DOCK11: variants seen among roughly 807,000 people sequenced by gnomAD.
DOCK11 encodes the protein dedicator of cytokinesis 11, also known as dedicator of cytokinesis protein 11.
In DOCK11, 70 loss-of-function variants were observed where a neutral mutation model predicts 169.1. That is an observed-to-expected ratio of 0.41 (90% CI 0.34 to 0.51). The LOEUF (loss-of-function observed/expected upper bound fraction) is 0.51, where lower values mean the gene tolerates loss of function less well. DOCK11 is among the 20% of genes least tolerant of loss of function. The pLI, the probability that DOCK11 is intolerant of heterozygous loss-of-function variation, is 0.10. For synonymous variants in DOCK11, 529 were observed against 541.3 expected (o/e 0.98, Z 0.32); for missense variants, 1,166 against 1,538.8 (o/e 0.76, Z 4.05).
chrX:118,542,658 G>C, intron 1 of DOCK11, 67 bp from the exon 2 acceptor site: 1 of 784,475 alleles, frequency 1.3e-6, no homozygotes, highest in Non-Finnish European at 1.9e-6. Flanking sequence ...TGTATCTTTA[G>C]TACATAGAAA....
chrX:118,640,191 G>A (rs927463486), intron 38 of DOCK11, among the ~76,000 whole-genome samples: 6 of 111,921 alleles, frequency 5.4e-5, no homozygotes, highest in African/African-American at 6.5e-5. Flanking sequence ...GCCCAACTGC[G>A]GAAGCTAGAG....
chrX:118,548,559 A>G (rs2012368685), intron 6 of DOCK11, among the ~76,000 whole-genome samples: 1 of 111,666 alleles, frequency 9.0e-6, no homozygotes, highest in South Asian at 3.8e-4. Context: ...AGTCAGGGAA[A>G]GAGATGTGAG....
intron 46 of DOCK11, among the ~76,000 whole-genome samples, chrX:118,672,469 T>G (rs773298641): frequency 1.2e-4 from 14 of 112,944 alleles, no homozygotes; most frequent in East Asian, 8.3e-4. Flanking sequence ...GTCTTGCTCT[T>G]TGGCCCAGGC....
At chrX:118,538,600 C>T in intron 1 of DOCK11, 1 of 540,529 alleles carries the variant, frequency 1.9e-6, no homozygotes, top group Non-Finnish European at 2.3e-6. Context: ...AAGACTGAAA[C>T]ATATGCTCAC....
intron 14 of DOCK11, 150 bp from the exon 15 acceptor site, chrX:118,584,585 G>A (rs940643481): frequency 3.9e-5 from 17 of 431,429 alleles, no homozygotes; most frequent in Non-Finnish European, 6.0e-5. Flanking sequence ...TTGCAGGATT[G>A]TAGAGTGATG....
chrX:118,647,814 T>A (rs181069610), intron 40 of DOCK11, among the ~76,000 whole-genome samples: 23,383 of 49,706 alleles, frequency 0.47, 5,231 homozygotes, highest in African/African-American at 0.73. Context: ...ATAATATATA[T>A]TATATTATTA....
chrX:118,682,725 A>G (rs767636314), intron 51 of DOCK11, among the ~76,000 whole-genome samples: 2 of 112,327 alleles, frequency 1.8e-5, no homozygotes, highest in South Asian at 7.4e-4. Flanking sequence ...TAAGCTCAAA[A>G]TAAATTCTTT....
At chrX:118,575,624 C>A (rs1323719632) in intron 12 of DOCK11, among the ~76,000 whole-genome samples, 1 of 111,906 alleles carries the variant, frequency 8.9e-6, no homozygotes, top group Non-Finnish European at 1.9e-5. Context: ...TGTCCCTTAT[C>A]CCCTGATAGC....
intron 1 of DOCK11, among the ~76,000 whole-genome samples, chrX:118,538,378 A>G (rs1338250701): frequency 3.6e-5 from 4 of 112,635 alleles, no homozygotes; most frequent in Admixed American, 9.4e-5. Context: ...CAGAATGCAT[A>G]TGAAAGTGTT....
intron 1 of DOCK11, among the ~76,000 whole-genome samples, chrX:118,526,673 G>A (rs1238833029): frequency 1.8e-5 from 2 of 112,226 alleles, no homozygotes; most frequent in Non-Finnish European, 3.8e-5. Flanking sequence ...AGAGGAAAGA[G>A]GAAAAGGCTC....
rs183257204 is a variant in DOCK11 at position 118,680,802 on chromosome X, T to A, written c.5671+110T>A. Reference sequence around the variant, plus strand: ...CAACTGAAATTTTAATTATTATTTGTTCTGCTGTTCAGTTACAAGTTTGCA... The same window carrying A: ...CAACTGAAATTTTAATTATTATTTGATCTGCTGTTCAGTTACAAGTTTGCA... On this transcript the variant is annotated intron_variant, in intron 49 of 52. Transcript: ENST00000276202. The A allele has an allele frequency of 5.7e-6, 4 of 697,483 alleles. No homozygotes were observed. The African/African-American group carries it at 8.8e-5, about 15-fold the overall frequency. The allele number at this position is 697,483 out of a possible 1,213,427, so 57.5% of individuals were successfully genotyped here.
At chrX:118,606,664 A>G (rs1468766972) in intron 24 of DOCK11, among the ~76,000 whole-genome samples, 2 of 112,085 alleles carry the variant, frequency 1.8e-5, no homozygotes, top group Non-Finnish European at 3.8e-5. Context: ...CAGGCCTCAC[A>G]CCACAGCCAC....
rs1158381474 is a variant in DOCK11, at chrX:118,495,984, C to G, written c.13C>G (p.Arg5Gly). The G allele has an allele frequency of 9.2e-7, 1 of 1,089,206 alleles. No homozygotes were observed. The highest frequency in any genetic ancestry group is 3.2e-5 in the Admixed American group (1 of 31,011). 89.8% of individuals were successfully genotyped at this position (1,089,206 alleles called of 1,213,427 possible). MAEVRKFTKRLSKPG... is the reference protein window; with the variant it reads MAEVGKFTKRLSKPG... ...CGCCGCCGCTGCCATGGCCGAAGTG[C>G]GCAAATTCACCAAACGGCTCAGCAA... Residue 5 changes from arginine (R) to glycine (G), a missense_variant, in exon 1 of 53, where the codon CGC (arginine) becomes GGC (glycine). Physicochemically the swap from Arg to Gly is moderately radical, Grantham distance 125. Coordinates refer to ENST00000276202, the MANE Select transcript of DOCK11 (RefSeq NM_144658.4).
At chrX:118,672,000 A>G (rs1174617921) in intron 46 of DOCK11, among the ~76,000 whole-genome samples, 1 of 111,531 alleles carries the variant, frequency 9.0e-6, no homozygotes, top group African/African-American at 3.3e-5. Context: ...TTATCTAGCA[A>G]CCTCCCCTCT....
In DOCK11 at chrX:118,639,582, G is replaced by A. The variant is rs1377760065; in HGVS notation, c.4144+5G>A. 1 of 1,205,388 alleles carries A rather than the reference G, an allele frequency of 8.3e-7. No individual in the cohort carries two copies. ...GTTCATTTACACTTAATCACAGTAA[G>A]TGAAAATGTGTGTGTGGTACCCATT... On this transcript the variant is annotated splice_donor_5th_base_variant and intron_variant, in intron 38 of 52. Coordinates refer to ENST00000276202, the MANE Select transcript of DOCK11 (RefSeq NM_144658.4).
chrX:118,648,849 A>C (rs901535108), intron 40 of DOCK11, 96 bp from the exon 41 acceptor site: 8 of 767,827 alleles, frequency 1.0e-5, no homozygotes, highest in Non-Finnish European at 1.4e-5. Flanking sequence ...CAAAGCCCCC[A>C]GCATAGTTTT....
At position 118,584,958 on chromosome X, in the gene DOCK11, A is replaced by G. The variant is rs764096073; in HGVS notation, c.1719-83A>G. The stretch of plus-strand genomic sequence containing the variant: ...CATATATGGGAAAAACAGAATGATT[A>G]AAATTGTAAGTTTGGATAGAGGGTA... On this transcript the variant is annotated intron_variant, in intron 15 of 52. Transcript: ENST00000276202. 2.6e-6 allele frequency: 3 copies of G among 1,147,143 alleles called. No homozygotes were observed. In the East Asian group the frequency reaches 9.0e-5, roughly 35 times the overall value. 94.5% of individuals were successfully genotyped at this position (1,147,143 alleles called of 1,213,427 possible).
intron 19 of DOCK11, 126 bp from the exon 20 acceptor site, chrX:118,593,088 A>T: frequency 1.6e-6 from 1 of 643,064 alleles, no homozygotes; most frequent in Non-Finnish European, 2.4e-6. Flanking sequence ...AATGATACCT[A>T]CTATTTGGCC....
chrX:118,573,789 A>G lies in DOCK11; in HGVS notation c.1177-17A>G. 2.5e-6 allele frequency: 3 copies of G among 1,184,147 alleles called. No homozygotes were observed. Among genetic ancestry groups the G allele is most frequent in the Non-Finnish European group, 3.4e-6 (3 of 876,353 alleles). On this transcript the variant is annotated splice_polypyrimidine_tract_variant and intron_variant, in intron 11 of 52. Transcript: ENST00000276202. ...ACTAAAGTCTCAGTTTTAAAATGTAACTGTTTTCATTCCCAGGTTGAGCCC... is the reference window on the plus strand; with the variant it reads ...ACTAAAGTCTCAGTTTTAAAATGTAGCTGTTTTCATTCCCAGGTTGAGCCC...
Sources: allele counts gnomAD v4.1 joint callset (sites outside exome capture counted in the v4.1 genomes callset), GRCh38; gene constraint gnomAD v4.1.1; transcripts MANE v1.5; gene names NCBI Gene and HGNC (gene_info 2026-07-23, HGNC 2026-07-21).